CST7: variants seen among roughly 807,000 people sequenced by gnomAD.
The protein encoded by CST7 is cystatin F, also known as cystatin-F.
A neutral mutation model predicts 13.1 loss-of-function variants in CST7; 15 were observed. That is an observed-to-expected ratio of 1.14 (90% CI 0.77 to 1.76). The LOEUF (loss-of-function observed/expected upper bound fraction) is 1.76, where lower values mean the gene tolerates loss of function less well. Among genes scored for constraint, CST7 ranks in the 40% most tolerant of loss-of-function variants. The pLI, the probability that CST7 is intolerant of heterozygous loss-of-function variation, is 0.00. For missense variants in CST7, 193 were observed against 178.8 expected (o/e 1.08, Z -0.45); for synonymous variants, 75 against 66.9 (o/e 1.12, Z -0.59).
chr20:24,957,097 G>GGGGGGCAGGTGAGGGGGCA (rs2087862645), intron 1 of CST7, among the ~76,000 whole-genome samples, 190 bp from the exon 2 acceptor site: 1 of 17,678 alleles, frequency 5.7e-5, no homozygotes. Flanking sequence ...GGTTAGGGGT[G>GGGGGGCAGGTGAGGGGGCA]GGTAGGGTGG....
chr20:24,959,355 G>A lies in CST7; in HGVS notation c.361-280G>A, dbSNP rs11906996. Among the ~76,000 whole-genome samples, 930 of 152,084 alleles carry A rather than the reference G, an allele frequency of 6.1e-3. 15 individuals are homozygous for A. The highest frequency in any genetic ancestry group is 0.022 in the African/African-American group (906 of 41,482). On this transcript the variant is annotated intron_variant, in intron 3 of 3. Transcript: ENST00000480798. Reference sequence around the variant, plus strand: ...TTCAAACAATCCAGAAATTATATATGTATCATATACATACATATGATATGT... The same window carrying A: ...TTCAAACAATCCAGAAATTATATATATATCATATACATACATATGATATGT...
intron 3 of CST7, 142 bp from the exon 4 acceptor site, chr20:24,959,493 C>T (rs1410190187): frequency 2.9e-6 from 2 of 695,514 alleles, no homozygotes; most frequent in Non-Finnish European, 2.5e-6. Context: ...ATCGTTCTTT[C>T]AAGTTTTCTG....
intron 1 of CST7, among the ~76,000 whole-genome samples, chr20:24,956,016 C>T (rs954720194): frequency 2.0e-5 from 3 of 152,194 alleles, no homozygotes; most frequent in Admixed American, 6.5e-5. Flanking sequence ...GAACCAACCA[C>T]GGGACAGCCA....
At chr20:24,956,180 C>T (rs534154686) in intron 1 of CST7, among the ~76,000 whole-genome samples, 1 of 152,216 alleles carries the variant, frequency 6.6e-6, no homozygotes, top group Non-Finnish European at 1.5e-5. Context: ...GAAACCTCGT[C>T]ATCCTGTCTA....
At chr20:24,955,485 T>C (rs935348563) in intron 1 of CST7, among the ~76,000 whole-genome samples, 12 of 149,980 alleles carry the variant, frequency 8.0e-5, no homozygotes, top group Non-Finnish European at 1.3e-4. Flanking sequence ...AGTCTCGCTC[T>C]GTTGCCCAGG....
chr20:24,952,265 A>C (rs2087824327), intron 1 of CST7, among the ~76,000 whole-genome samples: 1 of 152,208 alleles, frequency 6.6e-6, no homozygotes, highest in Admixed American at 6.5e-5. Flanking sequence ...AGGTGAGGAC[A>C]CGGAGGCTCA....
At chr20:24,950,592 C>T (rs2087813018) in intron 1 of CST7, among the ~76,000 whole-genome samples, 2 of 152,224 alleles carry the variant, frequency 1.3e-5, no homozygotes, top group South Asian at 4.1e-4. Context: ...TCTGCTCTCA[C>T]TGATGGGAAC....
Position 24,959,631 on chromosome 20 carries a change from T to A in CST7, c.361-4T>A. The A allele has an allele frequency of 6.2e-7, 1 of 1,614,076 alleles. No individual in the cohort carries two copies. The highest frequency in any genetic ancestry group is 8.5e-7 in the Non-Finnish European group (1 of 1,179,946). ...GCTCTCAGGTGTGCCCTTCTCTGTTTCAGACTCTGAGCTGCTACTCTGAAG... is the reference window on the plus strand; with the variant it reads ...GCTCTCAGGTGTGCCCTTCTCTGTTACAGACTCTGAGCTGCTACTCTGAAG... On this transcript the variant is annotated splice_polypyrimidine_tract_variant and splice_region_variant and intron_variant, in intron 3 of 3. Coordinates refer to ENST00000480798, the MANE Select transcript of CST7 (RefSeq NM_003650.4).
rs1274591967 is a variant in CST7 at position 24,957,263 on chromosome 20, T to C, written c.71-24T>C. On this transcript the variant is annotated intron_variant, in intron 1 of 3. Transcript: ENST00000480798. ...AAGGCCCCACTAACATCAGTGTTCT[T>C]GTCTGGCTCTTTGTCTCTTTCAGAT... The C allele has an allele frequency of 2.5e-6, 4 of 1,606,924 alleles. No individual in the cohort carries two copies. The South Asian group carries it at 4.4e-5, about 18-fold the overall frequency.
In CST7 at chr20:24,949,373, C is replaced by A. The variant is rs2087804602; in HGVS notation, c.-133C>A. The A allele has an allele frequency of 1.3e-6, 2 of 1,577,260 alleles. No homozygotes were observed. Among genetic ancestry groups the A allele is most frequent in the South Asian group, 2.4e-5 (2 of 84,694 alleles). On this transcript the variant is annotated 5_prime_UTR_variant, in exon 1 of 4. Coordinates refer to ENST00000480798, the MANE Select transcript of CST7 (RefSeq NM_003650.4). Reference sequence around the variant, plus strand: ...TGGCACGGGCACAGACCACTGCCCCCACCTGCCCTGCGCCATCTACCCAAG... The same window carrying A: ...TGGCACGGGCACAGACCACTGCCCCAACCTGCCCTGCGCCATCTACCCAAG...
intron 1 of CST7, among the ~76,000 whole-genome samples, chr20:24,954,746 C>T (rs1025746084): frequency 2.0e-5 from 3 of 152,110 alleles, no homozygotes; most frequent in South Asian, 2.1e-4. Flanking sequence ...TAGGAACTAA[C>T]GTCATGAGCT....
intron 1 of CST7, among the ~76,000 whole-genome samples, chr20:24,949,932 A>T: frequency 6.6e-6 from 1 of 152,198 alleles, no homozygotes; most frequent in East Asian, 1.9e-4. Context: ...GCCTGTGGTT[A>T]GCCGCTTCTA....
chr20:24,959,308 G>C (rs1485574421), intron 3 of CST7, among the ~76,000 whole-genome samples: 5 of 151,550 alleles, frequency 3.3e-5, no homozygotes, highest in Non-Finnish European at 7.4e-5. Context: ...TGCGAGTGGA[G>C]AGGGTTAGAG....
chr20:24,955,091 GA>G (rs1409931408), intron 1 of CST7, among the ~76,000 whole-genome samples: 1 of 151,772 alleles, frequency 6.6e-6, no homozygotes, highest in Non-Finnish European at 1.5e-5. Context: ...AAAATACACT[GA>G]ACACATGCTA....
chr20:24,959,601 T>C (rs1007032853), intron 3 of CST7, 34 bp from the exon 4 acceptor site: 65 of 1,608,046 alleles, frequency 4.0e-5, no homozygotes, highest in Non-Finnish European at 5.4e-5. Flanking sequence ...GCAGGGAAAG[T>C]CTAAGCTCTC....
intron 1 of CST7, among the ~76,000 whole-genome samples, chr20:24,955,124 T>C (rs1203519715): frequency 6.6e-6 from 1 of 152,106 alleles, no homozygotes; most frequent in Non-Finnish European, 1.5e-5. Flanking sequence ...CACGTGTCTC[T>C]TTCTCTGCTG....
intron 2 of CST7, among the ~76,000 whole-genome samples, chr20:24,958,725 C>T (rs2087874699): frequency 6.6e-6 from 1 of 152,084 alleles, no homozygotes; most frequent in Non-Finnish European, 1.5e-5. Context: ...CAGGAAGGGG[C>T]ACAAACCCAG....
rs1328887016 is a variant in CST7, at chr20:24,949,403, C to T, written c.-103C>T. The T allele has an allele frequency of 1.2e-6, 2 of 1,603,472 alleles. No individual in the cohort carries two copies. Among genetic ancestry groups the T allele is most frequent in the Admixed American group, 1.7e-5 (1 of 59,278 alleles). On this transcript the variant is annotated 5_prime_UTR_variant, in exon 1 of 4. Coordinates refer to ENST00000480798, the MANE Select transcript of CST7 (RefSeq NM_003650.4). Reference sequence around the variant, plus strand: ...GCCCTGCGCCATCTACCCAAGAAGGCTCGGCACGGGCACCAACCACTGCCT... The same window carrying T: ...GCCCTGCGCCATCTACCCAAGAAGGTTCGGCACGGGCACCAACCACTGCCT...
In CST7 at chr20:24,957,165, T is replaced by C; in HGVS notation, c.71-122T>C. 4 of 718,640 alleles carry C rather than the reference T, an allele frequency of 5.6e-6. No individual in the cohort carries two copies. The Admixed American group carries it at 1.1e-4, about 20-fold the overall frequency. 44.5% of individuals were successfully genotyped at this position (718,640 alleles called of 1,614,324 possible). Reference sequence around the variant, plus strand: ...GGTAAGAGGGGGAGCAGGTGAGGGGTGGGTAGGGCCAGGACACACACGCCA... The same window carrying C: ...GGTAAGAGGGGGAGCAGGTGAGGGGCGGGTAGGGCCAGGACACACACGCCA... On this transcript the variant is annotated intron_variant, in intron 1 of 3. Transcript: ENST00000480798.
Sources: allele counts gnomAD v4.1 joint callset (sites outside exome capture counted in the v4.1 genomes callset), GRCh38; gene constraint gnomAD v4.1.1; transcripts MANE v1.5; gene names NCBI Gene and HGNC (gene_info 2026-07-23, HGNC 2026-07-21).